NEGR1: variants seen among roughly 807,000 people sequenced by gnomAD.
The protein encoded by NEGR1 is neuronal growth regulator 1.
Under a neutral mutation model 40.9 loss-of-function variants are expected in NEGR1, and 10 were observed. The ratio of observed to expected loss-of-function variants is 0.24; its 90% CI spans 0.15 to 0.42. NEGR1 has a LOEUF of 0.42. NEGR1 is among the 10% of genes least tolerant of loss of function. The probability of loss-of-function intolerance (pLI) is 1.00; values close to 1 mark genes in which losing one functional copy is unlikely to be tolerated. For synonymous variants in NEGR1, 185 were observed against 166.8 expected (o/e 1.11, Z -0.84); for missense variants, 352 against 438.9 (o/e 0.80, Z 1.77).
Position 71,942,350 on chromosome 1 carries a change from T to C in NEGR1, c.177-7039A>G, listed in dbSNP as rs1396705165. On this transcript the variant is annotated intron_variant, in intron 1 of 6. Transcript: ENST00000357731. ...TTCTTACTTTTTTCATGCAGAACTA[T>C]ACTTAACGCCTCTCTGAAATCTGTG... 3.4e-5 allele frequency among the ~76,000 whole-genome samples: 5 copies of C among 147,976 alleles called. No individual in the cohort carries two copies. The Middle Eastern group carries it at 0.014, about 420-fold the overall frequency.
At chr1:72,181,492 A>C (rs1452721067) in intron 1 of NEGR1, among the ~76,000 whole-genome samples, 1 of 152,084 alleles carries the variant, frequency 6.6e-6, no homozygotes, top group African/African-American at 2.4e-5. Context: ...ATTATGAAAA[A>C]CACTATGGAA....
At chr1:71,861,140 C>A (rs1659933523) in intron 2 of NEGR1, among the ~76,000 whole-genome samples, 1 of 152,048 alleles carries the variant, frequency 6.6e-6, no homozygotes, top group Admixed American at 6.6e-5. Flanking sequence ...GTCTCTGGAG[C>A]TAGCAGCCTG....
intron 4 of NEGR1, among the ~76,000 whole-genome samples, chr1:71,627,530 G>A (rs1176678155): frequency 6.6e-6 from 1 of 151,912 alleles, no homozygotes; most frequent in African/African-American, 2.4e-5. Flanking sequence ...GTGTGACAAA[G>A]AACCACTACA....
chr1:72,230,806 A>G (rs1047204789), intron 1 of NEGR1, among the ~76,000 whole-genome samples: 2 of 152,122 alleles, frequency 1.3e-5, no homozygotes, highest in African/African-American at 4.8e-5. Flanking sequence ...TAGCCTCCCA[A>G]ATAATAAATT....
chr1:71,752,200 G>GGGT (rs1464031224), intron 3 of NEGR1, among the ~76,000 whole-genome samples: 8 of 152,158 alleles, frequency 5.3e-5, no homozygotes. Flanking sequence ...ATTTCTGTAA[G>GGGT]GGGTCACTAA....
intron 1 of NEGR1, among the ~76,000 whole-genome samples, chr1:72,150,964 C>T (rs1651103579): frequency 6.6e-6 from 1 of 151,770 alleles, no homozygotes; most frequent in African/African-American, 2.4e-5. Flanking sequence ...TCCTTGGACT[C>T]CTTTAGCAAT....
chr1:71,694,497 A>G (rs1653407469), intron 4 of NEGR1, among the ~76,000 whole-genome samples: 1 of 151,758 alleles, frequency 6.6e-6, no homozygotes, highest in South Asian at 2.1e-4. Context: ...ATAACTCAAA[A>G]TGAACTGATT....
At chr1:71,950,397 G>T (rs573973061) in intron 1 of NEGR1, among the ~76,000 whole-genome samples, 1 of 152,000 alleles carries the variant, frequency 6.6e-6, no homozygotes, top group Non-Finnish European at 1.5e-5. Context: ...AAAAAAGAAT[G>T]CAAATTGAGT....
At chr1:71,428,521 A>G (rs769051416) in intron 6 of NEGR1, among the ~76,000 whole-genome samples, 6 of 152,128 alleles carry the variant, frequency 3.9e-5, no homozygotes, top group Non-Finnish European at 7.4e-5. Context: ...AAAGATAATG[A>G]ATAATTTCAT....
At chr1:71,543,458 T>G (rs1647784564) in intron 6 of NEGR1, among the ~76,000 whole-genome samples, 1 of 151,672 alleles carries the variant, frequency 6.6e-6, no homozygotes, top group Non-Finnish European at 1.5e-5. Context: ...AATAGTAGAG[T>G]CTGACCAAGA....
chr1:71,915,850 C>T (rs1184657876), intron 2 of NEGR1, among the ~76,000 whole-genome samples: 4 of 152,216 alleles, frequency 2.6e-5, no homozygotes, highest in African/African-American at 7.2e-5. Flanking sequence ...TACTTGCCCT[C>T]ATGTGGTTTA....
intron 1 of NEGR1, among the ~76,000 whole-genome samples, chr1:72,079,010 A>G (rs929403953): frequency 1.3e-5 from 2 of 150,922 alleles, no homozygotes; most frequent in African/African-American, 4.9e-5. Flanking sequence ...ATTTAATCAA[A>G]TGATAAATGA....
chr1:72,122,555 TTATG>T (rs1649843436), intron 1 of NEGR1, among the ~76,000 whole-genome samples: 1 of 151,886 alleles, frequency 6.6e-6, no homozygotes, highest in Non-Finnish European at 1.5e-5. Flanking sequence ...TTTGATTATG[TTATG>T]TATGTGTGTA....
At chr1:71,578,791 G>A (rs1174765286) in intron 6 of NEGR1, among the ~76,000 whole-genome samples, 6 of 152,128 alleles carry the variant, frequency 3.9e-5, no homozygotes, top group African/African-American at 7.2e-5. Context: ...AAATAGTTCA[G>A]TACTTATTAT....
At chr1:71,692,297 A>G (rs1570216749) in intron 4 of NEGR1, among the ~76,000 whole-genome samples, 1 of 151,856 alleles carries the variant, frequency 6.6e-6, no homozygotes, top group South Asian at 2.1e-4. Context: ...AGCTTAAAAA[A>G]AAACATAAAA....
At chr1:71,910,895 AC>A (rs1661406208) in intron 2 of NEGR1, among the ~76,000 whole-genome samples, 2 of 152,012 alleles carry the variant, frequency 1.3e-5, no homozygotes, top group African/African-American at 4.8e-5. Flanking sequence ...GGTAGGTTTC[AC>A]CATGTTGCCC....
In NEGR1 at chr1:71,402,003, T is replaced by A. The variant is rs1378317924; in HGVS notation, c.*5443A>T. On this transcript the variant is annotated 3_prime_UTR_variant, in exon 7 of 7. Transcript: ENST00000357731. ...TAAATATCTATATTTATATTTAAAA[T>A]GTGCTTATATTTATATAAATATATA... 6 of 151,944 alleles carry A rather than the reference T, an allele frequency of 3.9e-5. No individual in the cohort carries two copies. Among genetic ancestry groups the A allele is most frequent in the Non-Finnish European group, 8.8e-5 (6 of 67,994 alleles). 9.4% of individuals were successfully genotyped at this position (151,944 alleles called of 1,614,324 possible). A position where few individuals can be genotyped will look rare whatever the true frequency, so the allele number is the denominator to read the frequency against.
At chr1:72,107,130 C>G (rs1649166578) in intron 1 of NEGR1, among the ~76,000 whole-genome samples, 1 of 151,562 alleles carries the variant, frequency 6.6e-6, no homozygotes, top group African/African-American at 2.4e-5. Context: ...TACAATGAAT[C>G]AACTGATTGA....
At chr1:71,596,343 C>T (rs1244573594) in intron 5 of NEGR1, among the ~76,000 whole-genome samples, 3 of 152,244 alleles carry the variant, frequency 2.0e-5, no homozygotes, top group East Asian at 3.8e-4. Context: ...GAACCACAGG[C>T]TATTTGCTTT....
Sources: gnomAD v4.1 joint callset for allele counts (sites outside exome capture counted in the v4.1 genomes callset) on GRCh38, gnomAD v4.1.1 for gene constraint, MANE v1.5 for transcripts, NCBI Gene and HGNC (gene_info 2026-07-23, HGNC 2026-07-21) for gene names.